GEN1: variants seen among roughly 807,000 people sequenced by gnomAD.
GEN1 encodes the protein flap endonuclease GEN homolog 1.
In GEN1, 64 loss-of-function variants were observed where a neutral mutation model predicts 67.6. The ratio of observed to expected loss-of-function variants is 0.95; its 90% CI spans 0.77 to 1.17. The LOEUF is 1.17. Ranked by LOEUF, GEN1 falls within the 50% of genes most tolerant of loss-of-function variation. The pLI, the probability that GEN1 is intolerant of heterozygous loss-of-function variation, is 0.00. For synonymous variants in GEN1, 371 were observed against 359.4 expected (o/e 1.03, Z -0.37); for missense variants, 1,058 against 1,048.3 (o/e 1.01, Z -0.13).
Position 17,773,149 on chromosome 2 carries a change from C to T in GEN1, c.990+17C>T. On this transcript the variant is annotated intron_variant, in intron 9 of 13. Transcript: ENST00000381254. ...TTCCATGAGGTAATATCCAGTAATT[C>T]AACTCTATTAATTTTAGAAACTTTC... 6.4e-7 allele frequency: 1 copy of T among 1,572,324 alleles called. No individual in the cohort carries two copies. Among genetic ancestry groups the T allele is most frequent in the Non-Finnish European group, 8.7e-7 (1 of 1,145,924 alleles).
rs1328411429 is a variant in GEN1, at chr2:17,779,961, T to A, written c.1265-17T>A. On this transcript the variant is annotated splice_polypyrimidine_tract_variant and intron_variant, in intron 12 of 13. Transcript: ENST00000381254. ...ATGCCTAATTAAGGACACTTTGCTG[T>A]ATTTTTAATCTTTTAGAACATTATG... 2 of 1,588,944 alleles carry A rather than the reference T, an allele frequency of 1.3e-6. No homozygotes were observed. Among genetic ancestry groups the A allele is most frequent in the Non-Finnish European group, 8.6e-7 (1 of 1,161,874 alleles).
chr2:17,778,617 A>G (rs1672673242), intron 12 of GEN1, among the ~76,000 whole-genome samples: 1 of 152,038 alleles, frequency 6.6e-6, no homozygotes, highest in African/African-American at 2.4e-5. Flanking sequence ...TCTCAATTTG[A>G]CATTTCTTTT....
In GEN1 at chr2:17,781,675, G is replaced by T. The variant is rs1672845623; in HGVS notation, c.2463G>T (p.Lys821Asn). 6.2e-7 allele frequency: 1 copy of T among 1,613,856 alleles called. No individual in the cohort carries two copies. The highest frequency in any genetic ancestry group is 1.3e-5 in the African/African-American group (1 of 74,918). ...CTAAGTACACAACTCAAAGAATGAA[G>T]CACAGTTCTCAAAAGCATAATTCAT... ...GKAKYTTQRMKHSSQKHNSSH... is the reference protein window; with the variant it reads ...GKAKYTTQRMNHSSQKHNSSH... The change falls in exon 14 of 14, where the codon AAG becomes AAT. Residue 821 changes from lysine (K) to asparagine (N), a missense_variant. Coordinates refer to ENST00000381254, the MANE Select transcript of GEN1 (RefSeq NM_001130009.3).
intron 3 of GEN1, among the ~76,000 whole-genome samples, chr2:17,763,461 G>A (rs1221416181): frequency 6.6e-6 from 1 of 151,924 alleles, no homozygotes; most frequent in African/African-American, 2.4e-5. Context: ...GGCATTTTGT[G>A]TCAGTTCAGT....
At chr2:17,777,377 A>C (rs1672483037) in intron 11 of GEN1, among the ~76,000 whole-genome samples, 1 of 152,212 alleles carries the variant, frequency 6.6e-6, no homozygotes, top group South Asian at 2.1e-4. Flanking sequence ...CAAACACTTA[A>C]GAGTACCTGC....
chr2:17,781,213 A>G lies in GEN1; in HGVS notation c.2001A>G (p.Leu667=). ...EEHLLSGITD[L]CLQDLPLKER... ...ATCTACTTTCTGGCATTACTGATTT[A>G]TGTCTTCAGGATTTGCCTTTAAAGG... The change falls in exon 14 of 14, where the codon TTA becomes TTG. Residue 667 remains leucine, a synonymous_variant. Coordinates refer to ENST00000381254, the MANE Select transcript of GEN1 (RefSeq NM_001130009.3). 5.6e-6 allele frequency: 9 copies of G among 1,613,630 alleles called. No individual in the cohort carries two copies. The highest frequency in any genetic ancestry group is 1.1e-5 in the South Asian group (1 of 91,074).
chr2:17,767,514 C>T (rs947695530), intron 5 of GEN1, among the ~76,000 whole-genome samples: 9 of 152,046 alleles, frequency 5.9e-5, no homozygotes, highest in African/African-American at 2.2e-4. Context: ...CATCAAAGAA[C>T]TTTTTTTAAA....
rs1673079558 is a variant in GEN1, at chr2:17,786,964, G to A, written c.*5025G>A. ...TTAGTACTTCAGCATGGCTCACAAG[G>A]CTGAGGCAGCCTGGCCCCAACTTGT... is the stretch of plus-strand genomic sequence containing the variant. On this transcript the variant is annotated 3_prime_UTR_variant, in exon 14 of 14. Transcript: ENST00000381254. 1.3e-5 allele frequency: 2 copies of A among 152,178 alleles called. No individual in the cohort carries two copies. The highest frequency in any genetic ancestry group is 6.5e-5 in the Admixed American group (1 of 15,278). 9.4% of individuals were successfully genotyped at this position (152,178 alleles called of 1,614,324 possible). A position where few individuals can be genotyped will look rare whatever the true frequency, so the allele number is the denominator to read the frequency against.
chr2:17,768,678 T>C, intron 5 of GEN1, 60 bp from the exon 6 acceptor site: 2 of 1,218,314 alleles, frequency 1.6e-6, no homozygotes, highest in South Asian at 2.5e-5. Flanking sequence ...TCAATTAATA[T>C]ACTTTTAACC....
At chr2:17,768,661 C>A in intron 5 of GEN1, 77 bp from the exon 6 acceptor site, 1 of 1,066,856 alleles carries the variant, frequency 9.4e-7, no homozygotes, top group South Asian at 1.4e-5. Context: ...GCTGCTGACT[C>A]TTCCGTTCAA....
rs187860766 is a variant in GEN1, at chr2:17,771,734, A to G, written c.802+447A>G. Among the ~76,000 whole-genome samples, 11 of 151,912 alleles carry G rather than the reference A, an allele frequency of 7.2e-5. No homozygotes were observed. The East Asian group carries it at 1.7e-3, about 24-fold the overall frequency. ...GACAGTGACTTAAAACTAATTTCTA[A>G]TACATGTTCACTATTCTTGAAAATA... On this transcript the variant is annotated intron_variant, in intron 7 of 13. Coordinates refer to ENST00000381254, the MANE Select transcript of GEN1 (RefSeq NM_001130009.3).
Position 17,784,618 on chromosome 2 carries a change from AT to A in GEN1, c.*2681del, listed in dbSNP as rs1325962169. On this transcript the variant is annotated 3_prime_UTR_variant, in exon 14 of 14. Transcript: ENST00000381254. ...GTGTATTAGCTATTGTGTGCTAAGC[AT>A]TCAACTAGATTATTTACAAACCTTG... 2.6e-5 allele frequency: 4 copies of A among 152,248 alleles called. No individual in the cohort carries two copies. The highest frequency in any genetic ancestry group is 5.9e-5 in the Non-Finnish European group (4 of 68,042). The allele number at this position is 152,248 out of a possible 1,614,324, so 9.4% of individuals were successfully genotyped here.
At chr2:17,761,700 A>G in intron 3 of GEN1, 118 bp downstream of exon 3, 3 of 665,886 alleles carry the variant, frequency 4.5e-6, no homozygotes, top group Non-Finnish European at 7.2e-6. Context: ...GGATGTGCCT[A>G]GAGAAAAGAG....
In GEN1 at chr2:17,778,186, A is replaced by ACACACACACATATGTGTATATATG. The variant is rs1558408555; in HGVS notation, c.1264+123_1264+124insCACACACACATATGTGTATATATG. On this transcript the variant is annotated intron_variant, in intron 12 of 13. Coordinates refer to ENST00000381254, the MANE Select transcript of GEN1 (RefSeq NM_001130009.3). ...CACATAGATATGTGTATATATATAT[A>ACACACACACATATGTGTATATATG]TACACACACACATATATGTGTATAT... 6.4e-5 allele frequency: 23 copies of ACACACACACATATGTGTATATATG among 359,416 alleles called. No homozygotes were observed. In the East Asian group the frequency reaches 1.0e-3, roughly 16 times the overall value. 22.3% of individuals were successfully genotyped at this position (359,416 alleles called of 1,614,324 possible).
intron 6 of GEN1, among the ~76,000 whole-genome samples, chr2:17,770,878 A>G (rs551106980): frequency 9.1e-6 from 1 of 109,706 alleles, no homozygotes; most frequent in South Asian, 2.6e-4. Flanking sequence ...AAGATTCTTC[A>G]AAAAAAAAAG....
intron 4 of GEN1, 134 bp downstream of exon 4, chr2:17,765,207 C>T: frequency 1.3e-6 from 1 of 747,694 alleles, no homozygotes. Context: ...AAAATGCTTA[C>T]TGTTATTAAA....
chr2:17,780,051 AGCAGCATATCCTGAGATCGTT>A lies in GEN1; in HGVS notation c.1341_1361del (p.Ala448_Ala454del). The A allele has an allele frequency of 6.2e-7, 1 of 1,609,738 alleles. No homozygotes were observed. Among genetic ancestry groups the A allele is most frequent in the South Asian group, 1.1e-5 (1 of 90,962 alleles). On this transcript the variant is annotated inframe_deletion, in exon 13 of 14. Transcript: ENST00000381254. ...CAATTGAGGAAGAATCATTGTTTGAAGCAGCATATCCTGAGATCGTTGCTGTTTACCAAAAACAAAAGTTAG... is the reference window on the plus strand; with the variant it reads ...CAATTGAGGAAGAATCATTGTTTGAAGCTGTTTACCAAAAACAAAAGTTAG...
intron 6 of GEN1, chr2:17,770,986 TG>T: frequency 1.6e-6 from 1 of 618,076 alleles, no homozygotes; most frequent in Non-Finnish European, 3.0e-6. Flanking sequence ...CTCTCTCTCC[TG>T]TCTTGCAGTT....
rs1033971835 is a variant in GEN1 at position 17,787,786 on chromosome 2, T to A, written c.*5847T>A. The A allele has an allele frequency of 6.6e-6, 1 of 152,180 alleles. No homozygotes were observed. Among genetic ancestry groups the A allele is most frequent in the South Asian group, 2.1e-4 (1 of 4,822 alleles). 9.4% of individuals were successfully genotyped at this position (152,180 alleles called of 1,614,324 possible). Reference sequence around the variant, plus strand: ...AAAAAATACAAAAATTAGCCGGGTGTGGTGATGGGTACCTGTAATCCCACC... The same window carrying A: ...AAAAAATACAAAAATTAGCCGGGTGAGGTGATGGGTACCTGTAATCCCACC... On this transcript the variant is annotated 3_prime_UTR_variant, in exon 14 of 14. Coordinates refer to ENST00000381254, the MANE Select transcript of GEN1 (RefSeq NM_001130009.3).
Sources: gnomAD v4.1 joint callset for allele counts (sites outside exome capture counted in the v4.1 genomes callset) on GRCh38, gnomAD v4.1.1 for gene constraint, MANE v1.5 for transcripts, NCBI Gene and HGNC (gene_info 2026-07-23, HGNC 2026-07-21) for gene names.